UVRAG: variants seen among roughly 807,000 people sequenced by gnomAD.
The protein encoded by UVRAG is UV radiation resistance associated.
In UVRAG, 19 loss-of-function variants were observed where a neutral mutation model predicts 78.0. That is an observed-to-expected ratio of 0.24 (90% CI 0.17 to 0.36). The LOEUF (loss-of-function observed/expected upper bound fraction) is 0.36, where lower values mean the gene tolerates loss of function less well. Ranked by LOEUF, UVRAG falls within the 10% of genes least tolerant of loss-of-function variation. The pLI is 1.00. For synonymous variants in UVRAG, 323 were observed against 324.6 expected, an observed-to-expected ratio of 1.00 and a Z score of 0.05; for missense variants, 740 against 853.8, an observed-to-expected ratio of 0.87 and a Z score of 1.66.
At chr11:75,946,170 A>G (rs1366281265) in intron 6 of UVRAG, among the ~76,000 whole-genome samples, 5 of 152,170 alleles carry the variant, frequency 3.3e-5, no homozygotes, top group Non-Finnish European at 5.9e-5. Flanking sequence ...TTTAGAGAGC[A>G]CAGACTGTCT....
intron 6 of UVRAG, chr11:75,935,036 A>C (rs1948338444): frequency 6.6e-6 from 1 of 152,174 alleles, no homozygotes; most frequent in African/African-American, 2.4e-5. Flanking sequence ...GGCAGACAAA[A>C]TATTAAATGC....
At chr11:75,887,629 A>G (rs1401808181) in intron 4 of UVRAG, among the ~76,000 whole-genome samples, 1 of 151,396 alleles carries the variant, frequency 6.6e-6, no homozygotes, top group Non-Finnish European at 1.5e-5. Flanking sequence ...TTGTATTTTT[A>G]GTAGAGACGG....
chr11:75,823,160 C>T (rs530176641), intron 1 of UVRAG, among the ~76,000 whole-genome samples: 9 of 152,238 alleles, frequency 5.9e-5, no homozygotes, highest in African/African-American at 1.9e-4. Context: ...GAGCTCTGCA[C>T]CAGGAACTGT....
At chr11:76,114,943 C>T (rs541212295) in intron 13 of UVRAG, among the ~76,000 whole-genome samples, 29 of 152,186 alleles carry the variant, frequency 1.9e-4, no homozygotes, top group Non-Finnish European at 3.7e-4. Flanking sequence ...CATTTGTACA[C>T]AGACATACAT....
rs1357793398 is a variant in UVRAG at position 76,143,457 on chromosome 11, G to C, written c.*2044G>C. Reference sequence around the variant, plus strand: ...CCCCCCACCGCTGTGCAGACTCCCTGGTTGATCCTGGGCTTGTGGCTTTTC... The same window carrying C: ...CCCCCCACCGCTGTGCAGACTCCCTCGTTGATCCTGGGCTTGTGGCTTTTC... On this transcript the variant is annotated 3_prime_UTR_variant, in exon 15 of 15. Coordinates refer to ENST00000356136, the MANE Select transcript of UVRAG (RefSeq NM_003369.4). Among the ~76,000 whole-genome samples, 4 of 152,214 alleles carry C rather than the reference G, an allele frequency of 2.6e-5. No individual in the cohort carries two copies. The highest frequency in any genetic ancestry group is 5.9e-5 in the Non-Finnish European group (4 of 68,046).
chr11:75,822,474 A>C (rs572744524), intron 1 of UVRAG, among the ~76,000 whole-genome samples: 1 of 152,250 alleles, frequency 6.6e-6, no homozygotes, highest in South Asian at 2.1e-4. Flanking sequence ...AGTTAGTATC[A>C]TATTCCACAA....
chr11:75,922,379 A>T (rs1461107087), intron 6 of UVRAG, among the ~76,000 whole-genome samples: 1 of 152,100 alleles, frequency 6.6e-6, no homozygotes, highest in Non-Finnish European at 1.5e-5. Flanking sequence ...CTTCTAGGAA[A>T]ATCTTATTTA....
chr11:76,128,969 T>C (rs1952465530), intron 14 of UVRAG, among the ~76,000 whole-genome samples: 1 of 152,228 alleles, frequency 6.6e-6, no homozygotes, highest in Non-Finnish European at 1.5e-5. Flanking sequence ...ATAATAATAG[T>C]TAATATCATT....
intron 7 of UVRAG, among the ~76,000 whole-genome samples, chr11:75,971,015 G>A (rs1362170767): frequency 6.6e-6 from 1 of 152,092 alleles, no homozygotes; most frequent in Non-Finnish European, 1.5e-5. Context: ...TCCTCCACGT[G>A]TTCATCCTTT....
chr11:75,832,073 C>T (rs1945670754), intron 1 of UVRAG, among the ~76,000 whole-genome samples: 1 of 152,178 alleles, frequency 6.6e-6, no homozygotes, highest in Admixed American at 6.5e-5. Flanking sequence ...GTAAAAACAT[C>T]ATTAAGTCAA....
chr11:75,977,339 T>C (rs961756839), intron 7 of UVRAG, among the ~76,000 whole-genome samples: 4 of 152,216 alleles, frequency 2.6e-5, no homozygotes, highest in Non-Finnish European at 4.4e-5. Flanking sequence ...GAAGGGTGTA[T>C]ATTCTGTTGA....
chr11:75,997,367 T>C (rs993534167), intron 8 of UVRAG, among the ~76,000 whole-genome samples: 5 of 152,356 alleles, frequency 3.3e-5, no homozygotes, highest in Middle Eastern at 3.4e-3. Context: ...TCATAGTCTT[T>C]AGCTATTATA....
intron 6 of UVRAG, among the ~76,000 whole-genome samples, chr11:75,949,726 C>A (rs1240138386): frequency 2.0e-5 from 3 of 148,110 alleles, no homozygotes; most frequent in African/African-American, 7.6e-5. Context: ...CACACACACA[C>A]ACACATATAC....
At position 76,140,726 on chromosome 11, in the gene UVRAG, C is replaced by T; in HGVS notation, c.1413C>T (p.Thr471=). The T allele has an allele frequency of 6.3e-7, 1 of 1,590,998 alleles. No individual in the cohort carries two copies. Among genetic ancestry groups the T allele is most frequent in the Admixed American group, 1.8e-5 (1 of 55,752 alleles). The change falls in exon 15 of 15, where the codon ACC becomes ACT. Residue 471 remains threonine, a synonymous_variant. Transcript: ENST00000356136. ...TCTCTTCTAGTGACAGACATCACAC[C>T]TCCAGTGCAATCCCTGTTCCTAAGA... The part of the protein sequence containing the change: ...GLMVRCDRHH[T]SSAIPVPKRQ...
intron 12 of UVRAG, among the ~76,000 whole-genome samples, chr11:76,029,298 C>T (rs2135396402): frequency 6.6e-6 from 1 of 152,258 alleles, no homozygotes; most frequent in Non-Finnish European, 1.5e-5. Context: ...GTCTTCATGC[C>T]TGCTAACATA....
At chr11:75,847,691 A>G (rs7934683) in intron 1 of UVRAG, among the ~76,000 whole-genome samples, 11,461 of 151,862 alleles carry the variant, frequency 0.075, 1,411 homozygotes, top group African/African-American at 0.26. Context: ...TTTATTAGCG[A>G]CTGGGCACGG....
In UVRAG at chr11:75,879,718, C is replaced by G. The variant is rs555877290; in HGVS notation, c.271-161C>G. Among the ~76,000 whole-genome samples the G allele has an allele frequency of 9.9e-5, 15 of 152,260 alleles. No homozygotes were observed. The East Asian group carries it at 2.7e-3, about 27-fold the overall frequency. On this transcript the variant is annotated intron_variant, in intron 3 of 14. Transcript: ENST00000356136. The stretch of plus-strand genomic sequence containing the variant: ...AAATTCAAAAGTACCATTATCACCC[C>G]TTTTGTGTTAATTGTAATGTCTTCT...
At chr11:76,059,797 T>C (rs1423351269) in intron 12 of UVRAG, among the ~76,000 whole-genome samples, 1 of 152,218 alleles carries the variant, frequency 6.6e-6, no homozygotes, top group African/African-American at 2.4e-5. Flanking sequence ...AAAGTAGTAA[T>C]GGCAAACTAG....
intron 6 of UVRAG, among the ~76,000 whole-genome samples, chr11:75,924,986 G>A (rs1333193595): frequency 6.6e-6 from 1 of 152,188 alleles, no homozygotes; most frequent in East Asian, 1.9e-4. Context: ...AAGAAGTAAA[G>A]CATTCTTTGA....
Sources: allele counts gnomAD v4.1 joint callset (sites outside exome capture counted in the v4.1 genomes callset), GRCh38; gene constraint gnomAD v4.1.1; transcripts MANE v1.5; gene names NCBI Gene and HGNC (gene_info 2026-07-23, HGNC 2026-07-21).